HERPUD2: variants seen among roughly 807,000 people sequenced by gnomAD.
HERPUD2 encodes HERPUD family member 2.
In HERPUD2, 13 loss-of-function variants were observed where a neutral mutation model predicts 49.9. That is an observed-to-expected ratio of 0.26 (90% CI 0.17 to 0.41). The LOEUF is 0.41. HERPUD2 is among the 10% of genes least tolerant of loss of function. The pLI, the probability that HERPUD2 is intolerant of heterozygous loss-of-function variation, is 1.00. For missense variants in HERPUD2, 449 were observed against 492.2 expected, an observed-to-expected ratio of 0.91 and a Z score of 0.83; for synonymous variants, 172 against 171.4, an observed-to-expected ratio of 1.00 and a Z score of -0.03.
chr7:35,637,972 G>A (rs1380837551), intron 6 of HERPUD2, among the ~76,000 whole-genome samples: 2 of 152,206 alleles, frequency 1.3e-5, no homozygotes, highest in Non-Finnish European at 2.9e-5. Flanking sequence ...AATACTGAGA[G>A]TCAAGTAAGC....
intron 2 of HERPUD2, among the ~76,000 whole-genome samples, chr7:35,686,808 T>TGGGGGGGGGGGGGGGGGGGGGGGGGGGGG (rs1215387825): frequency 2.3e-4 from 1 of 4,296 alleles, no homozygotes; most frequent in Non-Finnish European, 3.8e-4. Context: ...TTTGGGAGGC[T>TGGGGGGGGGGGGGGGGGGGGGGGGGGGGG]GGGGGGGGGG....
At chr7:35,688,431 T>C (rs1441232540) in intron 2 of HERPUD2, among the ~76,000 whole-genome samples, 1 of 152,190 alleles carries the variant, frequency 6.6e-6, no homozygotes, top group African/African-American at 2.4e-5. Flanking sequence ...GGTAGAGATA[T>C]ATGATATTCA....
chr7:35,644,139 A>G (rs1785011203), intron 5 of HERPUD2, among the ~76,000 whole-genome samples: 1 of 152,166 alleles, frequency 6.6e-6, no homozygotes, highest in South Asian at 2.1e-4. Context: ...ACCAAAGATG[A>G]TTTGTGAAAA....
chr7:35,641,032 A>T (rs1410861860), intron 5 of HERPUD2, among the ~76,000 whole-genome samples: 1 of 152,184 alleles, frequency 6.6e-6, no homozygotes, highest in African/African-American at 2.4e-5. Context: ...GAAGAAAAAA[A>T]ATCAACATAT....
At chr7:35,694,162 C>G (rs1241421213) in intron 2 of HERPUD2, 22 bp downstream of exon 2, 1 of 1,613,512 alleles carries the variant, frequency 6.2e-7, no homozygotes, top group Admixed American at 1.7e-5. Flanking sequence ...AGAGCAGCTG[C>G]CCCCAGCTTT....
chr7:35,683,154 T>G (rs943070739), intron 2 of HERPUD2, among the ~76,000 whole-genome samples: 6 of 152,218 alleles, frequency 3.9e-5, no homozygotes, highest in African/African-American at 1.4e-4. Flanking sequence ...AGGCATCACA[T>G]TACCTGGTTT....
intron 5 of HERPUD2, among the ~76,000 whole-genome samples, chr7:35,654,285 T>C (rs1785229788): frequency 6.7e-6 from 1 of 148,412 alleles, no homozygotes; most frequent in Non-Finnish European, 1.5e-5. Context: ...TTTGAAAAGA[T>C]AAAATCAATA....
At chr7:35,692,399 G>A (rs182886370) in intron 2 of HERPUD2, among the ~76,000 whole-genome samples, 12 of 152,240 alleles carry the variant, frequency 7.9e-5, no homozygotes, top group Admixed American at 2.0e-4. Flanking sequence ...TCTCGCCTAC[G>A]TACATACCAG....
chr7:35,661,062 G>C (rs1785408151), intron 5 of HERPUD2, among the ~76,000 whole-genome samples: 1 of 152,206 alleles, frequency 6.6e-6, no homozygotes, highest in South Asian at 2.1e-4. Flanking sequence ...TGTACAAGGT[G>C]TAAGGAAGGG....
intron 2 of HERPUD2, among the ~76,000 whole-genome samples, chr7:35,686,475 A>ACT (rs377700677): frequency 6.7e-6 from 1 of 149,160 alleles, no homozygotes; most frequent in African/African-American, 2.5e-5. Flanking sequence ...GCGTCAGCGC[A>ACT]GCGCCCGGCC....
intron 4 of HERPUD2, 136 bp from the exon 5 acceptor site, chr7:35,667,724 T>C (rs1785566938): frequency 4.7e-6 from 3 of 641,830 alleles, no homozygotes; most frequent in Non-Finnish European, 7.8e-6. Flanking sequence ...TTACATCGTG[T>C]GTCCAGTATA....
intron 2 of HERPUD2, among the ~76,000 whole-genome samples, chr7:35,685,169 A>G (rs1209967587): frequency 6.6e-6 from 1 of 151,646 alleles, no homozygotes; most frequent in East Asian, 1.9e-4. Flanking sequence ...TTAGCCCAAG[A>G]GGCAGAGAGG....
Position 35,633,620 on chromosome 7 carries a change from G to A in HERPUD2, c.*70C>T. ...TCAAAAGAAAGTTATAAATTTTTTTGAAATTGCACTGTTATTTAAACCACT... is the reference window on the plus strand; with the variant it reads ...TCAAAAGAAAGTTATAAATTTTTTTAAAATTGCACTGTTATTTAAACCACT... On this transcript the variant is annotated 3_prime_UTR_variant, in exon 9 of 9. Coordinates refer to ENST00000311350, the MANE Select transcript of HERPUD2 (RefSeq NM_022373.5). 1 of 1,376,974 alleles carries A rather than the reference G, an allele frequency of 7.3e-7. No homozygotes were observed. Among genetic ancestry groups the A allele is most frequent in the Non-Finnish European group, 9.9e-7 (1 of 1,012,850 alleles). The allele number at this position is 1,376,974 out of a possible 1,614,324, so 85.3% of individuals were successfully genotyped here. A position where few individuals can be genotyped will look rare whatever the true frequency, so the allele number is the denominator to read the frequency against.
chr7:35,672,268 TAAAA>T (rs70974760), intron 3 of HERPUD2, among the ~76,000 whole-genome samples: 4 of 143,012 alleles, frequency 2.8e-5, no homozygotes, highest in Admixed American at 2.8e-4. Flanking sequence ...AAAAATTGTT[TAAAA>T]AAAAAAAAGA....
intron 5 of HERPUD2, among the ~76,000 whole-genome samples, chr7:35,641,995 A>G (rs1784974343): frequency 1.3e-5 from 2 of 152,252 alleles, no homozygotes; most frequent in South Asian, 4.1e-4. Context: ...GCTTCTGCAC[A>G]GCAAAAGAAA....
In HERPUD2 at chr7:35,682,357, G is replaced by GTATATA. The variant is rs3052526; in HGVS notation, c.148-9085_148-9080dup. The stretch of plus-strand genomic sequence containing the variant: ...TGTGTGTGTGTGTGTGTGTGTGTGT[G>GTATATA]TATATATATATATATATATATATAT... On this transcript the variant is annotated intron_variant, in intron 2 of 8. Transcript: ENST00000311350. 5.4e-4 allele frequency among the ~76,000 whole-genome samples: 14 copies of GTATATA among 25,820 alleles called. 2 individuals are homozygous for GTATATA. Among genetic ancestry groups the GTATATA allele is most frequent in the African/African-American group, 1.1e-3 (8 of 6,960 alleles). 16.9% of individuals were successfully genotyped at this position (25,820 alleles called of 152,430 possible). A position where few individuals can be genotyped will look rare whatever the true frequency, so the allele number is the denominator to read the frequency against.
chr7:35,660,710 C>A, intron 5 of HERPUD2, among the ~76,000 whole-genome samples: 1 of 152,174 alleles, frequency 6.6e-6, no homozygotes, highest in Middle Eastern at 3.2e-3. Context: ...ACTTTGCCCA[C>A]TTGTTGATGG....
In HERPUD2 at chr7:35,635,310, T is replaced by C; in HGVS notation, c.766A>G (p.Asn256Asp). 1.9e-6 allele frequency: 3 copies of C among 1,614,148 alleles called. No homozygotes were observed. The highest frequency in any genetic ancestry group is 2.5e-6 in the Non-Finnish European group (3 of 1,180,026). The change falls in exon 7 of 9, where the codon AAT (asparagine) becomes GAT (aspartate). Residue 256 changes from asparagine to aspartate, a missense_variant. Asn to Asp is a conservative substitution (Grantham distance 23). Transcript: ENST00000311350. ...VAQENRPMNE[N>D]VQMNAQGGPV... Reference sequence around the variant, plus strand: ...CCTCCCTGTGCATTCATTTGAACATTCTCATTCATGGGTCGATTTTCTTGG... The same window carrying C: ...CCTCCCTGTGCATTCATTTGAACATCCTCATTCATGGGTCGATTTTCTTGG...
At chr7:35,636,450 G>C (rs998937326) in intron 6 of HERPUD2, among the ~76,000 whole-genome samples, 1 of 152,132 alleles carries the variant, frequency 6.6e-6, no homozygotes, top group Non-Finnish European at 1.5e-5. Flanking sequence ...TTACTTTAAA[G>C]GGGAGAAACT....
Sources: gnomAD v4.1 joint callset for allele counts (sites outside exome capture counted in the v4.1 genomes callset) on GRCh38, gnomAD v4.1.1 for gene constraint, MANE v1.5 for transcripts, NCBI Gene and HGNC (gene_info 2026-07-23, HGNC 2026-07-21) for gene names.